Variants in TXNRD1 observed in about 807,000 individuals in gnomAD.
TXNRD1 encodes the protein thioredoxin reductase 1, cytoplasmic.
In TXNRD1, 57 loss-of-function variants were observed where a neutral mutation model predicts 80.3. The observed-to-expected ratio is 0.71, with a 90% CI of 0.57 to 0.89. TXNRD1 has a LOEUF of 0.89. TXNRD1 is among the 40% of genes least tolerant of loss of function. TXNRD1 has a pLI of 0.00. For synonymous variants in TXNRD1, 291 were observed against 285.2 expected (o/e 1.02, Z -0.20); for missense variants, 730 against 803.0 (o/e 0.91, Z 1.10).
Position 104,322,374 on chromosome 12 carries a change from C to CTTTT in TXNRD1, c.1215+1079_1215+1082dup, listed in dbSNP as rs58288808. On this transcript the variant is annotated intron_variant, in intron 10 of 16. Coordinates refer to ENST00000525566, the MANE Select transcript of TXNRD1 (RefSeq NM_001093771.3). ...TACTGTAGCTGTTTTTTATTTTTACCTTTTTTTTTTTTTTTTTTTTTTTTG... is the reference window on the plus strand; with the variant it reads ...TACTGTAGCTGTTTTTTATTTTTACCTTTTTTTTTTTTTTTTTTTTTTTTTTTTG... Among the ~76,000 whole-genome samples the CTTTT allele has an allele frequency of 2.3e-3, 143 of 61,522 alleles. 2 individuals carry two copies. The highest frequency in any genetic ancestry group is 9.6e-3 in the Middle Eastern group (1 of 104). The allele number at this position is 61,522 out of a possible 152,430, so 40.4% of individuals were successfully genotyped here.
chr12:104,334,141 A>T, intron 14 of TXNRD1, 96 bp from the exon 15 acceptor site: 1 of 466,782 alleles, frequency 2.1e-6, no homozygotes, highest in Non-Finnish European at 3.7e-6. Context: ...ATGAAAGTCT[A>T]CTTATTAAAG....
At chr12:104,267,699 T>TTCTTTCTTTCTCTC (rs1555209251) in intron 3 of TXNRD1, among the ~76,000 whole-genome samples, 1 of 46,414 alleles carries the variant, frequency 2.2e-5, no homozygotes, top group Non-Finnish European at 4.7e-5. Flanking sequence ...CTTTCTTTCT[T>TTCTTTCTTTCTCTC]TCTCTCTTTC....
At chr12:104,293,904 CGTGGGTCAT>C (rs1234292671) in intron 4 of TXNRD1, among the ~76,000 whole-genome samples, 2 of 152,150 alleles carry the variant, frequency 1.3e-5, no homozygotes, top group African/African-American at 4.8e-5. Context: ...GGTAAGGTCA[CGTGGGTCAT>C]GTGTCCACTG....
chr12:104,246,246 T>G (rs1453190989), intron 1 of TXNRD1, among the ~76,000 whole-genome samples: 1 of 144,712 alleles, frequency 6.9e-6, no homozygotes, highest in Non-Finnish European at 1.5e-5. Context: ...GCTAACACGG[T>G]GAAACCCCGT....
intron 1 of TXNRD1, 28 bp from the exon 2 acceptor site, chr12:104,251,499 T>G (rs1428607310): frequency 6.2e-7 from 1 of 1,607,518 alleles, no homozygotes; most frequent in East Asian, 2.2e-5. Flanking sequence ...TTTGTGATAA[T>G]TACCATCCTT....
intron 4 of TXNRD1, among the ~76,000 whole-genome samples, chr12:104,297,391 G>A (rs2135766759): frequency 6.6e-6 from 1 of 151,764 alleles, no homozygotes; most frequent in Non-Finnish European, 1.5e-5. Context: ...TTTTGAAATG[G>A]AGTCTTGCTC....
chr12:104,299,497 A>G (rs1003927944), intron 4 of TXNRD1, among the ~76,000 whole-genome samples: 16 of 152,268 alleles, frequency 1.1e-4, no homozygotes, highest in African/African-American at 3.8e-4. Context: ...TGCCAGGCAC[A>G]GTGGCTCACG....
chr12:104,220,851 G>A (rs1366952884), intron 1 of TXNRD1, among the ~76,000 whole-genome samples: 2 of 151,968 alleles, frequency 1.3e-5, no homozygotes, highest in African/African-American at 2.4e-5. Flanking sequence ...AAAACATCAG[G>A]GAATATTTCA....
chr12:104,245,439 C>G (rs2032958378), intron 1 of TXNRD1, among the ~76,000 whole-genome samples: 1 of 131,258 alleles, frequency 7.6e-6, no homozygotes, highest in African/African-American at 2.8e-5. Context: ...ATCACTTGAA[C>G]CTGGGAGGCA....
chr12:104,254,661 A>G (rs941966792), intron 2 of TXNRD1, among the ~76,000 whole-genome samples: 2 of 130,562 alleles, frequency 1.5e-5, no homozygotes, highest in Non-Finnish European at 3.1e-5. Flanking sequence ...ATATATATAT[A>G]TATATCAGCA....
intron 3 of TXNRD1, chr12:104,265,955 T>TAA (rs34365410): frequency 7.6e-4 from 341 of 450,596 alleles, no homozygotes; most frequent in African/African-American, 6.9e-3. Context: ...CACAAAATCT[T>TAA]AAAAAAAAAA....
intron 1 of TXNRD1, among the ~76,000 whole-genome samples, chr12:104,246,932 T>C (rs2033008814): frequency 6.6e-6 from 1 of 152,188 alleles, no homozygotes; most frequent in Admixed American, 6.6e-5. Context: ...AGGGAGACTA[T>C]TTTATTATTA....
intron 11 of TXNRD1, among the ~76,000 whole-genome samples, chr12:104,325,655 C>G (rs1053515010): frequency 6.6e-6 from 1 of 152,042 alleles, no homozygotes; most frequent in Non-Finnish European, 1.5e-5. Context: ...GGGCAGATCA[C>G]GAGGTCAAGG....
At chr12:104,245,832 G>A (rs1391358619) in intron 1 of TXNRD1, among the ~76,000 whole-genome samples, 2 of 151,774 alleles carry the variant, frequency 1.3e-5, no homozygotes, top group Non-Finnish European at 1.5e-5. Flanking sequence ...TTTCGGGGCC[G>A]GGCGCGGTGG....
intron 4 of TXNRD1, chr12:104,309,920 C>T: frequency 6.5e-7 from 1 of 1,536,134 alleles, no homozygotes; most frequent in Non-Finnish European, 8.7e-7. Context: ...AGTCCCTGAG[C>T]CACTACGTAT....
chr12:104,264,498 G>T (rs2033433419), intron 3 of TXNRD1, among the ~76,000 whole-genome samples: 1 of 152,028 alleles, frequency 6.6e-6, no homozygotes, highest in Non-Finnish European at 1.5e-5. Flanking sequence ...TAAGCATTTT[G>T]GTTTTGTCTA....
intron 3 of TXNRD1, among the ~76,000 whole-genome samples, chr12:104,279,254 T>C (rs1319721783): frequency 6.6e-6 from 1 of 152,178 alleles, no homozygotes; most frequent in Non-Finnish European, 1.5e-5. Context: ...TGGACATTGA[T>C]CAAATACTCA....
rs747774973 is a variant in TXNRD1 at position 104,241,937 on chromosome 12, A to ATTTTTTTTTTT, written c.92-9579_92-9569dup. Among the ~76,000 whole-genome samples the ATTTTTTTTTTT allele has an allele frequency of 1.5e-3, 147 of 96,068 alleles. 2 individuals carry two copies. The highest frequency in any genetic ancestry group is 2.6e-3 in the East Asian group (8 of 3,024). 63.0% of individuals were successfully genotyped at this position (96,068 alleles called of 152,430 possible). A position where few individuals can be genotyped will look rare whatever the true frequency, so the allele number is the denominator to read the frequency against. ...ACATCTTTTATTTTTTATACTAATG[A>ATTTTTTTTTTT]TTTTTTTTTTTTTTTTTTTTTGAGA... On this transcript the variant is annotated intron_variant, in intron 1 of 16. Transcript: ENST00000525566.
At chr12:104,225,341 T>A (rs1452626484) in intron 1 of TXNRD1, among the ~76,000 whole-genome samples, 1 of 152,238 alleles carries the variant, frequency 6.6e-6, no homozygotes, top group African/African-American at 2.4e-5. Flanking sequence ...AGGATTCTCA[T>A]GCTGGAAGCT....
Sources: gnomAD v4.1 joint callset for allele counts (sites outside exome capture counted in the v4.1 genomes callset) on GRCh38, gnomAD v4.1.1 for gene constraint, MANE v1.5 for transcripts, NCBI Gene and HGNC (gene_info 2026-07-23, HGNC 2026-07-21) for gene names.